The following LARP1 variants were observed in gnomAD, a reference collection of about 807,000 sequenced individuals.
LARP1 encodes La ribonucleoprotein 1, translational regulator.
LARP1 carries 36 observed loss-of-function variants against 122.7 expected under a neutral mutation model. The ratio of observed to expected loss-of-function variants is 0.29; its 90% confidence interval spans 0.22 to 0.39. The LOEUF is 0.39. Ranked by LOEUF, LARP1 falls within the 10% of genes least tolerant of loss-of-function variation. LARP1 has a pLI of 1.00. For synonymous variants in LARP1, 539 were observed against 528.7 expected, an observed-to-expected ratio of 1.02 and a Z score of -0.27; for missense variants, 1,040 against 1,403.6, an observed-to-expected ratio of 0.74 and a Z score of 4.14.
intron 1 of LARP1, among the ~76,000 whole-genome samples, chr5:154,768,469 T>C (rs1249248876): frequency 6.6e-6 from 1 of 152,226 alleles, no homozygotes; most frequent in African/African-American, 2.4e-5. Context: ...CATCTGTATT[T>C]AAAAATCAAG....
chr5:154,711,959 A>G (rs1028657832), upstream of LARP1, among the ~76,000 whole-genome samples: 3 of 152,010 alleles, frequency 2.0e-5, no homozygotes, highest in Admixed American at 6.5e-5. Flanking sequence ...TCCATCCTCC[A>G]TTACTTTATC....
At chr5:154,776,408 C>T (rs1333282327) in intron 1 of LARP1, among the ~76,000 whole-genome samples, 1 of 152,180 alleles carries the variant, frequency 6.6e-6, no homozygotes, top group Admixed American at 6.5e-5. Context: ...GGAGATTAGA[C>T]TGGTGGGTAA....
chr5:154,714,901 C>T (rs910283122), intron 1 of LARP1, among the ~76,000 whole-genome samples: 3 of 152,144 alleles, frequency 2.0e-5, no homozygotes, highest in Non-Finnish European at 4.4e-5. Flanking sequence ...AAAATGAAGC[C>T]GGGTGCGGTG....
chr5:154,773,244 A>G (rs1052380747), intron 1 of LARP1, among the ~76,000 whole-genome samples: 1 of 152,144 alleles, frequency 6.6e-6, no homozygotes, highest in African/African-American at 2.4e-5. Flanking sequence ...GTTACAAACT[A>G]TGGCTAGGGG....
At chr5:154,790,819 T>A (rs1757279439) in intron 3 of LARP1, 109 bp downstream of exon 3, 1 of 997,144 alleles carries the variant, frequency 1.0e-6, no homozygotes, top group African/African-American at 1.6e-5. Context: ...GTTTTCATTC[T>A]TTCTTTTTTT....
chr5:154,691,889 A>C (rs370344750), intron 1 of LARP1, among the ~76,000 whole-genome samples: 127 of 151,388 alleles, frequency 8.4e-4, no homozygotes, highest in African/African-American at 3.0e-3. Context: ...TCCGGGGCTT[A>C]GGCGATTCTC....
chr5:154,756,155 CG>C lies in LARP1; in HGVS notation c.399del (p.Pro134ArgfsTer3). 1 of 1,316,410 alleles carries C rather than the reference CG, an allele frequency of 7.6e-7. No homozygotes were observed. Among genetic ancestry groups the C allele is most frequent in the South Asian group, 1.2e-5 (1 of 84,386 alleles). The allele number at this position is 1,316,410 out of a possible 1,614,324, so 81.5% of individuals were successfully genotyped here. The part of the protein sequence containing the change: ...KVNPWTKNAL[P>X]PVLTTVNGQS... ...AACCCGTGGACTAAGAACGCATTGC[CG>C]CCGGTCCTGACCACCGTGAACGGAC... On this transcript the variant is annotated frameshift_variant, in exon 1 of 19. Coordinates refer to ENST00000518297, the MANE Select transcript of LARP1 (RefSeq NM_033551.3). LOFTEE classifies it high-confidence loss of function.
chr5:154,776,160 G>A (rs1331052054), intron 1 of LARP1, among the ~76,000 whole-genome samples: 1 of 152,144 alleles, frequency 6.6e-6, no homozygotes, highest in African/African-American at 2.4e-5. Context: ...ATTTTATTTT[G>A]TATAGAGACA....
chr5:154,723,593 G>A (rs568954206), intron 1 of LARP1, among the ~76,000 whole-genome samples: 1 of 152,222 alleles, frequency 6.6e-6, no homozygotes, highest in East Asian at 1.9e-4. Flanking sequence ...TATATTCTAG[G>A]GGGGAAAATA....
chr5:154,693,223 A>C (rs1490890511), intron 1 of LARP1, among the ~76,000 whole-genome samples: 1 of 149,772 alleles, frequency 6.7e-6, no homozygotes, highest in Non-Finnish European at 1.5e-5. Flanking sequence ...CTGCAGCCTC[A>C]AACTGTTGGG....
intron 1 of LARP1, among the ~76,000 whole-genome samples, chr5:154,699,282 G>A (rs1255432845): frequency 6.6e-6 from 1 of 152,202 alleles, no homozygotes; most frequent in Non-Finnish European, 1.5e-5. Context: ...TGTCAGGGAA[G>A]GAGTGCTTGT....
rs538386768 is a variant in LARP1 at position 154,703,466 on chromosome 5, C to G, written c.-180+20429C>G. Among the ~76,000 whole-genome samples the G allele has an allele frequency of 1.9e-3, 296 of 151,984 alleles. 4 individuals carry two copies. Among genetic ancestry groups the G allele is most frequent in the Non-Finnish European group, 2.8e-3 (187 of 67,964 alleles). On this transcript the variant is annotated intron_variant, in intron 1 of 18. Coordinates refer to the LARP1 transcript ENST00000687700. ...TGTAATCTATGCTCATTTATTCATTCAACAGGCTGGGCATGGGGGCCTCTC... is the reference window on the plus strand; with the variant it reads ...TGTAATCTATGCTCATTTATTCATTGAACAGGCTGGGCATGGGGGCCTCTC...
At chr5:154,778,997 C>T (rs1002752551) in intron 1 of LARP1, among the ~76,000 whole-genome samples, 1 of 152,164 alleles carries the variant, frequency 6.6e-6, no homozygotes, top group Non-Finnish European at 1.5e-5. Flanking sequence ...TTGCTATTTG[C>T]TAAATCTGGC....
intron 1 of LARP1, among the ~76,000 whole-genome samples, chr5:154,764,595 CAAAAAAAAA>C (rs1158921641): frequency 4.5e-5 from 2 of 44,888 alleles, no homozygotes; most frequent in African/African-American, 1.0e-4. Context: ...GACCATGTCT[CAAAAAAAAA>C]AAAAAAAAAA....
At chr5:154,780,596 T>C (rs1445038494) in intron 1 of LARP1, among the ~76,000 whole-genome samples, 2 of 152,230 alleles carry the variant, frequency 1.3e-5, no homozygotes, top group African/African-American at 4.8e-5. Context: ...CTTTGGCCTC[T>C]CCTGGTCCTC....
chr5:154,708,247 C>T (rs919061415), upstream of LARP1, among the ~76,000 whole-genome samples: 6 of 152,146 alleles, frequency 3.9e-5, no homozygotes, highest in African/African-American at 1.4e-4. Context: ...ACTCGTCGCC[C>T]CCATAATTCC....
At chr5:154,797,760 C>T (rs1758006457) in intron 8 of LARP1, among the ~76,000 whole-genome samples, 1 of 150,770 alleles carries the variant, frequency 6.6e-6, no homozygotes, top group African/African-American at 2.4e-5. Flanking sequence ...GTGATCATGG[C>T]TTACTGCAGC....
intron 16 of LARP1, among the ~76,000 whole-genome samples, chr5:154,809,032 T>C (rs932996424): frequency 1.3e-5 from 2 of 152,218 alleles, no homozygotes; most frequent in Admixed American, 1.3e-4. Context: ...GATCATTCTA[T>C]ATCTGTACAT....
intron 8 of LARP1, among the ~76,000 whole-genome samples, chr5:154,795,882 A>G (rs1218332352): frequency 7.6e-6 from 1 of 130,916 alleles, no homozygotes; most frequent in East Asian, 2.0e-4. Flanking sequence ...TATAAAATAT[A>G]CATTTATATA....
Sources: gnomAD v4.1 joint callset for allele counts (sites outside exome capture counted in the v4.1 genomes callset) on GRCh38, gnomAD v4.1.1 for gene constraint, MANE v1.5 for transcripts, NCBI Gene and HGNC (gene_info 2026-07-23, HGNC 2026-07-21) for gene names.